The following FHIP1A variants were observed in gnomAD, a reference collection of about 807,000 sequenced individuals.
FHIP1A encodes FHF complex subunit HOOK interacting protein 1A.
Under a neutral mutation model 88.6 loss-of-function variants are expected in FHIP1A, and 61 were observed. The ratio of observed to expected loss-of-function variants is 0.69; its 90% confidence interval spans 0.56 to 0.85. The LOEUF is 0.85. Among genes scored for constraint, FHIP1A ranks in the 40% least tolerant of loss-of-function variants. FHIP1A has a pLI of 0.00. For synonymous variants in FHIP1A, 478 were observed against 496.0 expected (o/e 0.96, Z 0.48); for missense variants, 1,154 against 1,273.5 (o/e 0.91, Z 1.43).
intron 7 of FHIP1A, among the ~76,000 whole-genome samples, chr4:151,592,967 A>G (rs562302881): frequency 5.4e-4 from 82 of 152,290 alleles, no homozygotes; most frequent in Non-Finnish European, 8.8e-4. Flanking sequence ...GTCCAGTTTC[A>G]GTTTTCTGCA....
At chr4:151,565,974 G>A (rs1488333122) in intron 3 of FHIP1A, among the ~76,000 whole-genome samples, 164 bp from the exon 4 acceptor site, 3 of 152,022 alleles carry the variant, frequency 2.0e-5, no homozygotes, top group African/African-American at 7.2e-5. Context: ...TAGCAAAGTA[G>A]GAGAAAACAG....
At chr4:151,479,162 C>G (rs1204675201) in intron 2 of FHIP1A, among the ~76,000 whole-genome samples, 1 of 152,048 alleles carries the variant, frequency 6.6e-6, no homozygotes, top group Admixed American at 6.6e-5. Context: ...TTAATGGATA[C>G]ACTGTTGAGG....
intron 1 of FHIP1A, among the ~76,000 whole-genome samples, chr4:151,424,074 G>A (rs1733277588): frequency 6.6e-6 from 1 of 152,184 alleles, no homozygotes. Context: ...TTATATCTCT[G>A]TGCCTCTTTT....
At chr4:151,651,527 G>A (rs1372846865) in intron 11 of FHIP1A, among the ~76,000 whole-genome samples, 7 of 152,208 alleles carry the variant, frequency 4.6e-5, no homozygotes, top group Non-Finnish European at 1.0e-4. Flanking sequence ...CCTGGTTCTA[G>A]CATTTAGCAG....
chr4:151,418,172 TAAA>T (rs1040622837), intron 1 of FHIP1A, among the ~76,000 whole-genome samples: 1 of 77,930 alleles, frequency 1.3e-5, no homozygotes, highest in Admixed American at 1.7e-4. Flanking sequence ...AACCTATCTC[TAAA>T]AAAAAAAAAA....
chr4:151,635,836 A>AT (rs1281059213), intron 8 of FHIP1A, among the ~76,000 whole-genome samples: 23 of 151,980 alleles, frequency 1.5e-4, no homozygotes, highest in African/African-American at 5.6e-4. Context: ...ACCACTAGTG[A>AT]TTTGTATGCT....
intron 3 of FHIP1A, among the ~76,000 whole-genome samples, chr4:151,504,833 G>T (rs1044464080): frequency 2.0e-5 from 3 of 152,148 alleles, no homozygotes; most frequent in African/African-American, 7.2e-5. Flanking sequence ...GGCCAGGCTG[G>T]TCTCAAACTG....
intron 3 of FHIP1A, among the ~76,000 whole-genome samples, chr4:151,547,245 A>C (rs926065122): frequency 7.2e-5 from 11 of 152,190 alleles, no homozygotes; most frequent in African/African-American, 2.7e-4. Flanking sequence ...TATGTTAGAA[A>C]GAAGGTATGT....
intron 2 of FHIP1A, among the ~76,000 whole-genome samples, chr4:151,476,019 A>T (rs1345286033): frequency 6.6e-6 from 1 of 151,094 alleles, no homozygotes; most frequent in African/African-American, 2.4e-5. Flanking sequence ...CCACCATCGC[A>T]CCTGGCTAAT....
chr4:151,515,741 A>C (rs1162592016), intron 3 of FHIP1A, among the ~76,000 whole-genome samples: 5 of 151,870 alleles, frequency 3.3e-5, no homozygotes, highest in African/African-American at 9.7e-5. Flanking sequence ...CCAACTTACA[A>C]GGGATGTGAA....
chr4:151,553,144 A>G lies in FHIP1A; in HGVS notation c.-122-12994A>G, dbSNP rs575446015. Among the ~76,000 whole-genome samples the G allele has an allele frequency of 7.2e-5, 11 of 152,328 alleles. No homozygotes were observed. The South Asian group carries it at 1.9e-3, about 26-fold the overall frequency. ...TGAACATGATCTACAGAAATTTTCT[A>G]AAGCCAGGAGTCAAATTGCAGAATC... is the stretch of plus-strand genomic sequence containing the variant. On this transcript the variant is annotated intron_variant, in intron 3 of 13. Coordinates refer to ENST00000435205, the MANE Select transcript of FHIP1A (RefSeq NM_001109977.3).
intron 3 of FHIP1A, among the ~76,000 whole-genome samples, chr4:151,488,968 A>T (rs1232241793): frequency 1.3e-5 from 2 of 152,222 alleles, no homozygotes; most frequent in East Asian, 3.9e-4. Context: ...TCCCACTTAG[A>T]CAGACAGAAC....
chr4:151,488,647 G>T (rs558163602), intron 3 of FHIP1A, among the ~76,000 whole-genome samples: 1 of 152,282 alleles, frequency 6.6e-6, no homozygotes, highest in South Asian at 2.1e-4. Context: ...TTTCCTTTGG[G>T]TATATACCCA....
rs1737781829 is a variant in FHIP1A at position 151,669,436 on chromosome 4, G to A, written c.*6682G>A. Among the ~76,000 whole-genome samples, 2 of 152,174 alleles carry A rather than the reference G, an allele frequency of 1.3e-5. No homozygotes were observed. ...TTTAAGTAAGCCTTTAATTTTAAAT[G>A]GTCTGGAAAGATCTTCGATGCTTTC... On this transcript the variant is annotated 3_prime_UTR_variant, in exon 14 of 14. Coordinates refer to ENST00000435205, the MANE Select transcript of FHIP1A (RefSeq NM_001109977.3).
At chr4:151,510,348 G>A (rs188820128) in intron 3 of FHIP1A, among the ~76,000 whole-genome samples, 66 of 152,108 alleles carry the variant, frequency 4.3e-4, no homozygotes, top group African/African-American at 1.5e-3. Flanking sequence ...GCCTCAAGCT[G>A]TCCTCCCACC....
intron 3 of FHIP1A, among the ~76,000 whole-genome samples, chr4:151,551,005 G>C (rs548475653): frequency 5.3e-5 from 8 of 152,202 alleles, no homozygotes; most frequent in South Asian, 4.1e-4. Flanking sequence ...TGCCCTTAAG[G>C]GGGAGGGCTT....
chr4:151,570,624 T>G lies in FHIP1A; in HGVS notation c.105+4260T>G, dbSNP rs1733565261. On this transcript the variant is annotated intron_variant, in intron 4 of 13. Transcript: ENST00000435205. ...GTGCCACTGCGTGTAGCCCAACCAC[T>G]TTTTATTAAAATTACATATACAGTA... is the stretch of plus-strand genomic sequence containing the variant. Among the ~76,000 whole-genome samples the G allele has an allele frequency of 2.6e-5, 4 of 152,134 alleles. No homozygotes were observed. In the South Asian group the frequency reaches 8.3e-4, roughly 32 times the overall value.
chr4:151,453,085 C>T (rs571781791), intron 1 of FHIP1A, among the ~76,000 whole-genome samples: 2 of 151,428 alleles, frequency 1.3e-5, no homozygotes, highest in South Asian at 2.1e-4. Context: ...GGCGTGATCT[C>T]GGCTCACTGC....
chr4:151,420,495 G>A (rs1056335386), intron 1 of FHIP1A, among the ~76,000 whole-genome samples: 2 of 152,226 alleles, frequency 1.3e-5, no homozygotes, highest in Non-Finnish European at 2.9e-5. Context: ...TTAGTGATGT[G>A]CATTCTTCCA....
Sources: gnomAD v4.1 joint callset for allele counts (sites outside exome capture counted in the v4.1 genomes callset) on GRCh38, gnomAD v4.1.1 for gene constraint, MANE v1.5 for transcripts, NCBI Gene and HGNC (gene_info 2026-07-23, HGNC 2026-07-21) for gene names.